Variants in TXNRD1 observed in about 807,000 individuals in gnomAD.
The protein encoded by TXNRD1 is thioredoxin reductase 1, cytoplasmic.
In TXNRD1, 57 loss-of-function variants were observed where a neutral mutation model predicts 80.3. The observed-to-expected ratio is 0.71, with a 90% CI of 0.57 to 0.89. The LOEUF (loss-of-function observed/expected upper bound fraction) is 0.89, where lower values mean the gene tolerates loss of function less well. Ranked by LOEUF, TXNRD1 falls within the 40% of genes least tolerant of loss-of-function variation. The pLI, the probability that TXNRD1 is intolerant of heterozygous loss-of-function variation, is 0.00. For missense variants in TXNRD1, 730 were observed against 803.0 expected, an observed-to-expected ratio of 0.91 and a Z score of 1.10; for synonymous variants, 291 against 285.2, an observed-to-expected ratio of 1.02 and a Z score of -0.20.
At chr12:104,331,798 A>G (rs988734702) in intron 14 of TXNRD1, among the ~76,000 whole-genome samples, 157 bp downstream of exon 14, 1 of 150,676 alleles carries the variant, frequency 6.6e-6, no homozygotes, top group Non-Finnish European at 1.5e-5. Flanking sequence ...TATTTTATAC[A>G]CTTTTAGTAG....
intron 10 of TXNRD1, among the ~76,000 whole-genome samples, chr12:104,323,862 T>C (rs940703503): frequency 2.0e-5 from 3 of 152,142 alleles, no homozygotes; most frequent in African/African-American, 2.4e-5. Context: ...TTTTTAACAT[T>C]TGGGGAGTTG....
At chr12:104,267,694 TTTCTTTCTCTCTTTC>T (rs1196110068) in intron 3 of TXNRD1, among the ~76,000 whole-genome samples, 19 of 33,540 alleles carry the variant, frequency 5.7e-4, no homozygotes, top group African/African-American at 1.8e-3. Flanking sequence ...TCTTTCTTTC[TTTCTTTCTCTCTTTC>T]TTTCTTTCTT....
chr12:104,293,573 C>T (rs1159709061), intron 4 of TXNRD1, among the ~76,000 whole-genome samples: 1 of 152,180 alleles, frequency 6.6e-6, no homozygotes, highest in Non-Finnish European at 1.5e-5. Flanking sequence ...ACCTCAGCCT[C>T]CCGAATAGCT....
intron 3 of TXNRD1, among the ~76,000 whole-genome samples, chr12:104,274,178 T>G (rs1030138869): frequency 1.3e-5 from 2 of 152,178 alleles, no homozygotes; most frequent in East Asian, 1.9e-4. Flanking sequence ...TCTGAATGCC[T>G]CTTAATGAGA....
intron 4 of TXNRD1, among the ~76,000 whole-genome samples, chr12:104,294,751 G>A (rs1211550972): frequency 6.6e-6 from 1 of 152,154 alleles, no homozygotes; most frequent in South Asian, 2.1e-4. Context: ...GATTACAGGT[G>A]TGAGCCACTG....
Position 104,313,269 on chromosome 12 carries a change from G to A in TXNRD1, c.562G>A (p.Val188Met), listed in dbSNP as rs201402862. The change falls in exon 6 of 17, where the codon GTG becomes ATG. Residue 188 changes from valine to methionine, a missense_variant. Physicochemically the swap from Val to Met is conservative, Grantham distance 21. Coordinates refer to ENST00000525566, the MANE Select transcript of TXNRD1 (RefSeq NM_001093771.3). ...AKEAAQYGKK[V>M]MVLDFVTPTP... ...GGAGGCAGCCCAATATGGCAAGAAG[G>A]TGATGGTCCTGGACTTTGTCACTCC... 1,063 of 1,590,116 alleles carry A rather than the reference G, an allele frequency of 6.7e-4. 2 individuals carry two copies. The highest frequency in any genetic ancestry group is 7.3e-4 in the Non-Finnish European group (855 of 1,166,810).
In TXNRD1 at chr12:104,252,662, T is replaced by TCTATA. The variant is rs756948232; in HGVS notation, c.243+984_243+985insCTATA. Among the ~76,000 whole-genome samples, 17 of 45,814 alleles carry TCTATA rather than the reference T, an allele frequency of 3.7e-4. 1 individual carries two copies. Among genetic ancestry groups the TCTATA allele is most frequent in the African/African-American group, 1.3e-3 (15 of 11,726 alleles). The allele number at this position is 45,814 out of a possible 152,430, so 30.1% of individuals were successfully genotyped here. On this transcript the variant is annotated intron_variant, in intron 2 of 16. Transcript: ENST00000525566. ...CACTGAGAGGTTAATTTATTATTTTTTATATATATATATATATATATATAT... is the reference window on the plus strand; with the variant it reads ...CACTGAGAGGTTAATTTATTATTTTTCTATATATATATATATATATATATATATAT...
chr12:104,254,641 AAAAAT>A (rs1487513633), intron 2 of TXNRD1, among the ~76,000 whole-genome samples: 3 of 129,598 alleles, frequency 2.3e-5, no homozygotes, highest in Admixed American at 7.8e-5. Flanking sequence ...AAAAAAAAAA[AAAAAT>A]ATATATATAT....
At chr12:104,223,155 A>G (rs2032391864) in intron 1 of TXNRD1, among the ~76,000 whole-genome samples, 1 of 152,216 alleles carries the variant, frequency 6.6e-6, no homozygotes, top group Admixed American at 6.6e-5. Flanking sequence ...ATATAGTGGC[A>G]TTTTAAGCTG....
intron 11 of TXNRD1, among the ~76,000 whole-genome samples, chr12:104,326,007 TCTTTC>T (rs1239956585): frequency 3.3e-5 from 5 of 152,228 alleles, no homozygotes; most frequent in Admixed American, 2.6e-4. Flanking sequence ...TGTCCCGTGT[TCTTTC>T]CTTTCATCTC....
intron 4 of TXNRD1, among the ~76,000 whole-genome samples, chr12:104,294,157 G>A (rs996174181): frequency 5.4e-5 from 8 of 148,040 alleles, no homozygotes; most frequent in African/African-American, 1.5e-4. Context: ...GGATAACTGC[G>A]GGCGAGCCTG....
At chr12:104,288,636 A>T in intron 3 of TXNRD1, 4 of 705,754 alleles carry the variant, frequency 5.7e-6, no homozygotes, top group Non-Finnish European at 7.9e-6. Flanking sequence ...TAGGACGTTT[A>T]ATTTTAGCGG....
At chr12:104,304,490 C>G (rs1321167019) in intron 4 of TXNRD1, 1 of 1,613,984 alleles carries the variant, frequency 6.2e-7, no homozygotes, top group Admixed American at 1.7e-5. Flanking sequence ...AAAGCCCCGA[C>G]TTGAACACCA....
chr12:104,224,903 T>A (rs149594292), intron 1 of TXNRD1: 264 of 456,690 alleles, frequency 5.8e-4, no homozygotes, highest in African/African-American at 4.6e-3. Flanking sequence ...CTCAGGCAGG[T>A]AAAATTGCCA....
At chr12:104,330,956 A>G (rs954465940) in intron 13 of TXNRD1, among the ~76,000 whole-genome samples, 17 of 152,112 alleles carry the variant, frequency 1.1e-4, no homozygotes, top group African/African-American at 4.1e-4. Context: ...CAGTTAATAC[A>G]TGTAGCCTTT....
intron 4 of TXNRD1, chr12:104,303,944 G>A: frequency 6.3e-7 from 1 of 1,596,822 alleles, no homozygotes; most frequent in Non-Finnish European, 8.5e-7. Flanking sequence ...GATGAAGATG[G>A]ATGTGTCAGT....
At chr12:104,293,536 C>T (rs562828439) in intron 4 of TXNRD1, among the ~76,000 whole-genome samples, 8 of 152,188 alleles carry the variant, frequency 5.3e-5, no homozygotes, top group African/African-American at 1.2e-4. Context: ...TTGCAACCTT[C>T]GCCTCCTGGG....
intron 1 of TXNRD1, among the ~76,000 whole-genome samples, chr12:104,243,686 A>G (rs1263116593): frequency 6.6e-6 from 1 of 152,204 alleles, no homozygotes; most frequent in East Asian, 1.9e-4. Context: ...GGCAACGAGT[A>G]AAAATATGTG....
rs143902855 is a variant in TXNRD1 at position 104,255,549 on chromosome 12, A to G, written c.244-2470A>G. Among the ~76,000 whole-genome samples the G allele has an allele frequency of 4.6e-3, 696 of 152,308 alleles. 2 individuals carry two copies. The highest frequency in any genetic ancestry group is 7.3e-3 in the Non-Finnish European group (495 of 68,024). On this transcript the variant is annotated intron_variant, in intron 2 of 16. Coordinates refer to ENST00000525566, the MANE Select transcript of TXNRD1 (RefSeq NM_001093771.3). ...CGCAGTGACTCACACCTGTACTCCCAGCACTTTGGGAGGCCGAGGCGGGCG... is the reference window on the plus strand; with the variant it reads ...CGCAGTGACTCACACCTGTACTCCCGGCACTTTGGGAGGCCGAGGCGGGCG...
Sources: allele counts gnomAD v4.1 joint callset (sites outside exome capture counted in the v4.1 genomes callset), GRCh38; gene constraint gnomAD v4.1.1; transcripts MANE v1.5; gene names NCBI Gene and HGNC (gene_info 2026-07-23, HGNC 2026-07-21).